TRRAP: variants seen among roughly 807,000 people sequenced by gnomAD.
TRRAP encodes transformation/transcription domain associated protein.
A neutral mutation model predicts 438.8 loss-of-function variants in TRRAP; 41 were observed. That is an observed-to-expected ratio of 0.09 (90% CI 0.07 to 0.12). The LOEUF (loss-of-function observed/expected upper bound fraction) is 0.12. Among genes scored for constraint, TRRAP ranks in the 10% least tolerant of loss-of-function variants. The probability of loss-of-function intolerance (pLI) is 1.00; values close to 1 mark genes in which losing one functional copy is unlikely to be tolerated. For missense variants in TRRAP, 3,122 were observed against 5,055.1 expected (o/e 0.62, Z 11.60); for synonymous variants, 1,994 against 1,962.9 (o/e 1.02, Z -0.42).
chr7:98,965,558 A>G, intron 48 of TRRAP, 138 bp from the exon 49 acceptor site: 1 of 1,153,012 alleles, frequency 8.7e-7, no homozygotes, highest in East Asian at 2.5e-5. Flanking sequence ...AGTGCTTCAA[A>G]TCCCAGAGCT....
At chr7:98,958,309 G>GTT (rs111690401) in intron 44 of TRRAP, among the ~76,000 whole-genome samples, 5 of 146,854 alleles carry the variant, frequency 3.4e-5, no homozygotes, top group Admixed American at 1.4e-4. Flanking sequence ...AATTTTTTTG[G>GTT]TTTTTTTTTT....
At chr7:98,935,210 C>G (rs1790504208) in intron 27 of TRRAP, among the ~76,000 whole-genome samples, 1 of 152,038 alleles carries the variant, frequency 6.6e-6, no homozygotes, top group Non-Finnish European at 1.5e-5. Flanking sequence ...GTCTGAGGCC[C>G]TGGGGAGGCT....
intron 12 of TRRAP, among the ~76,000 whole-genome samples, chr7:98,905,846 A>G (rs1796702678): frequency 6.6e-6 from 1 of 152,178 alleles, no homozygotes; most frequent in Non-Finnish European, 1.5e-5. Flanking sequence ...GGGTGGTGAC[A>G]ATGTTTAAGG....
rs536305547 is a variant in TRRAP, at chr7:98,910,008, TGAA to T, written c.1351-41_1351-39del. On this transcript the variant is annotated intron_variant, in intron 14 of 72. Coordinates refer to ENST00000456197, the MANE Select transcript of TRRAP (RefSeq NM_001375524.1). ...GTGATCTGAGCAGTATTTGGCCTGTTGAAGAAGAATAATTCTGTCTTCCCTCTT... is the reference window on the plus strand; with the variant it reads ...GTGATCTGAGCAGTATTTGGCCTGTTGAAGAATAATTCTGTCTTCCCTCTT... 2.6e-4 allele frequency: 393 copies of T among 1,524,384 alleles called. No individual in the cohort carries two copies. In the African/African-American group the frequency reaches 4.1e-3, roughly 16 times the overall value. The allele number at this position is 1,524,384 out of a possible 1,614,324, so 94.4% of individuals were successfully genotyped here. A position where few individuals can be genotyped will look rare whatever the true frequency, so the allele number is the denominator to read the frequency against.
chr7:98,970,083 GGTCT>G (rs773341107), intron 51 of TRRAP, 25 bp from the exon 52 acceptor site: 2 of 1,610,624 alleles, frequency 1.2e-6, no homozygotes, highest in African/African-American at 2.7e-5. Flanking sequence ...GCATGCCTTG[GGTCT>G]GTCTCCTTTC....
rs572960669 is a variant in TRRAP at position 98,918,407 on chromosome 7, T to C, written c.2622+728T>C. On this transcript the variant is annotated intron_variant, in intron 20 of 72. Coordinates refer to ENST00000456197, the MANE Select transcript of TRRAP (RefSeq NM_001375524.1). ...CACCATGCCTGGCTAATTTTTGTAT[T>C]TTAGTAGAGATGGGGTTTCACCATA... 5.9e-5 allele frequency among the ~76,000 whole-genome samples: 9 copies of C among 151,802 alleles called. No homozygotes were observed. The South Asian group carries it at 1.3e-3, about 21-fold the overall frequency.
Position 98,910,266 on chromosome 7 carries a change from C to G in TRRAP, c.1561C>G (p.Pro521Ala), listed in dbSNP as rs1554408501. 3 of 1,592,390 alleles carry G rather than the reference C, an allele frequency of 1.9e-6. No individual in the cohort carries two copies. In the Admixed American group the frequency reaches 5.1e-5, roughly 27 times the overall value. ...PPPPPATPVT[P>A]APVPPFEKQG... ...ACCCCCACCTGCCACCCCTGTGACC[C>G]CGGCCCCCGTGCCTCCCTTCGAGAA... Residue 521 changes from proline (P) to alanine (A), a missense_variant, in exon 15 of 73, where the codon CCG becomes GCG. Transcript: ENST00000456197.
intron 51 of TRRAP, among the ~76,000 whole-genome samples, chr7:98,968,320 C>T (rs1051583803): frequency 6.6e-6 from 1 of 152,182 alleles, no homozygotes; most frequent in African/African-American, 2.4e-5. Flanking sequence ...TGCCTGGCCC[C>T]CATCATTCCT....
rs1485207112 is a variant in TRRAP, at chr7:98,921,891, G to A, written c.2761G>A (p.Gly921Ser). The A allele has an allele frequency of 6.2e-7, 1 of 1,614,220 alleles. No individual in the cohort carries two copies. ...GCACTACGTTGTGACCGAGGTTCAG[G>A]GCCCCAGCATCACTGTGGAGTTTTC... The part of the protein sequence containing the change: ...KLHYVVTEVQ[G>S]PSITVEFSDC... The change falls in exon 21 of 73, where the codon GGC (glycine) becomes AGC (serine). Residue 921 changes from glycine (G) to serine (S), a missense_variant. By Grantham distance (56) the Gly-to-Ser change is moderately conservative (BLOSUM62 0). Transcript: ENST00000456197.
intron 40 of TRRAP, among the ~76,000 whole-genome samples, chr7:98,954,745 GT>G (rs1353205503): frequency 1.3e-5 from 2 of 152,272 alleles, no homozygotes; most frequent in Admixed American, 1.3e-4. Context: ...TGTTGGCCCT[GT>G]TCACTTTATT....
chr7:98,878,647 CG>C lies in TRRAP; in HGVS notation c.-62+13del, dbSNP rs1344196901. 2 of 151,404 alleles carry C rather than the reference CG, an allele frequency of 1.3e-5. No individual in the cohort carries two copies. The highest frequency in any genetic ancestry group is 4.8e-5 in the African/African-American group (2 of 41,302). The allele number at this position is 151,404 out of a possible 1,614,324, so 9.4% of individuals were successfully genotyped here. ...GGCCGCCGAGGTCGGGGTAAGTTGG[CG>C]GGCGGGCGTCCGAACGGCCCCGGGA... On this transcript the variant is annotated intron_variant, in intron 1 of 72. Coordinates refer to ENST00000456197, the MANE Select transcript of TRRAP (RefSeq NM_001375524.1).
chr7:98,919,804 TA>T (rs1314551775), intron 20 of TRRAP, among the ~76,000 whole-genome samples: 1 of 152,114 alleles, frequency 6.6e-6, no homozygotes, highest in Admixed American at 6.5e-5. Flanking sequence ...ATGAGGCAGA[TA>T]GCCCAAAAGA....
At chr7:98,927,442 AT>A in intron 23 of TRRAP, 76 bp downstream of exon 23, 1 of 1,519,144 alleles carries the variant, frequency 6.6e-7, no homozygotes. Flanking sequence ...TGCTCAGGAC[AT>A]TTTGTTGTTC....
intron 23 of TRRAP, among the ~76,000 whole-genome samples, chr7:98,928,940 A>G (rs1320077380): frequency 1.6e-5 from 2 of 128,166 alleles, no homozygotes; most frequent in African/African-American, 2.9e-5. Context: ...CGCCCGGCTA[A>G]TTTTTTTTTT....
chr7:98,958,630 C>G (rs1791738491), intron 44 of TRRAP, among the ~76,000 whole-genome samples: 1 of 152,110 alleles, frequency 6.6e-6, no homozygotes, highest in South Asian at 2.1e-4. Flanking sequence ...GCATTTCACT[C>G]TTTCAGTGGT....
At chr7:98,960,623 ACT>A (rs1791844318) in intron 45 of TRRAP, among the ~76,000 whole-genome samples, 1 of 151,772 alleles carries the variant, frequency 6.6e-6, no homozygotes, top group Non-Finnish European at 1.5e-5. Flanking sequence ...AGACAGTCTC[ACT>A]CTGTCGCCCA....
At chr7:98,898,636 C>T (rs575671838) in intron 8 of TRRAP, among the ~76,000 whole-genome samples, 11 of 152,188 alleles carry the variant, frequency 7.2e-5, no homozygotes, top group African/African-American at 2.6e-4. Flanking sequence ...ATATCCATTG[C>T]CCATCTGTAT....
Position 98,921,852 on chromosome 7 carries a change from G to A in TRRAP, c.2722G>A (p.Glu908Lys). Residue 908 changes from glutamate (E) to lysine (K), a missense_variant, in exon 21 of 73, where the codon GAG (glutamate) becomes AAG (lysine). Glu to Lys is a moderately conservative substitution (Grantham distance 56, BLOSUM62 1). This residue lies in a region of TRRAP where 133 missense variants were observed against 188.6 expected (regional missense o/e 0.71). Transcript: ENST00000456197. The stretch of plus-strand genomic sequence containing the variant: ...CGGCAGTAACAGGAAGATGCTGAAG[G>A]AGTCGCAGAAGCTGCACTACGTTGT... ...FGGSNRKMLKESQKLHYVVTE... is the reference protein window; with the variant it reads ...FGGSNRKMLKKSQKLHYVVTE... 6.2e-7 allele frequency: 1 copy of A among 1,614,226 alleles called. No individual in the cohort carries two copies. The highest frequency in any genetic ancestry group is 8.5e-7 in the Non-Finnish European group (1 of 1,180,054).
At chr7:98,980,497 A>T (rs946391362) in intron 58 of TRRAP, among the ~76,000 whole-genome samples, 2 of 151,828 alleles carry the variant, frequency 1.3e-5, no homozygotes, top group African/African-American at 4.9e-5. Flanking sequence ...GAGCCAAAAA[A>T]AAAAGAAAAG....
Sources: allele counts gnomAD v4.1 joint callset (sites outside exome capture counted in the v4.1 genomes callset), GRCh38; gene constraint gnomAD v4.1.1; regional missense constraint gnomAD v4.1.1; transcripts MANE v1.5; gene names NCBI Gene and HGNC (gene_info 2026-07-23, HGNC 2026-07-21).